The following APOOL variants were observed in gnomAD, a reference collection of about 807,000 sequenced individuals.
APOOL encodes MICOS complex subunit MIC27.
A neutral mutation model predicts 23.1 loss-of-function variants in APOOL; 12 were observed. That is an observed-to-expected ratio of 0.52 (90% CI 0.33 to 0.84). APOOL has a LOEUF of 0.84. Among genes scored for constraint, APOOL ranks in the 40% least tolerant of loss-of-function variants. The probability of loss-of-function intolerance (pLI) is 0.02; values close to 1 mark genes in which losing one functional copy is unlikely to be tolerated. For missense variants in APOOL, 212 were observed against 199.6 expected (o/e 1.06, Z -0.37); for synonymous variants, 77 against 69.9 (o/e 1.10, Z -0.51).
intron 2 of APOOL, among the ~76,000 whole-genome samples, chrX:85,049,969 C>G (rs1253932063): frequency 2.7e-5 from 3 of 111,441 alleles, no homozygotes; most frequent in Non-Finnish European, 3.8e-5. Context: ...CCAGTACATC[C>G]ACATATACCT....
chrX:85,068,757 T>G (rs1923561991), intron 6 of APOOL, among the ~76,000 whole-genome samples: 1 of 111,492 alleles, frequency 9.0e-6, no homozygotes, highest in Admixed American at 9.6e-5. Flanking sequence ...TTTTAAAAAT[T>G]ATACCTGCTT....
chrX:85,068,412 CT>C (rs1209497843), intron 6 of APOOL, among the ~76,000 whole-genome samples: 14 of 66,396 alleles, frequency 2.1e-4, no homozygotes, highest in Admixed American at 3.4e-4. Flanking sequence ...TTTTTTTTTT[CT>C]TTTTTTTTTT....
intron 6 of APOOL, among the ~76,000 whole-genome samples, chrX:85,073,148 A>C (rs1923727520): frequency 9.0e-6 from 1 of 111,509 alleles, no homozygotes; most frequent in African/African-American, 3.2e-5. Flanking sequence ...TTTCAACTGT[A>C]GGTATATACT....
Position 85,074,368 on chromosome X carries a change from A to G in APOOL, c.695A>G (p.Lys232Arg). ...CCAACAGAACTCAGCTCTGAAGCAAAGACCAAATCAGAATCCACTTCAGGT... is the reference window on the plus strand; with the variant it reads ...CCAACAGAACTCAGCTCTGAAGCAAGGACCAAATCAGAATCCACTTCAGGT... The part of the protein sequence containing the change: ...PLPTELSSEA[K>R]TKSESTSGAT... The change falls in exon 8 of 9, where the codon AAG (lysine) becomes AGG (arginine). Residue 232 changes from lysine (K) to arginine (R), a missense_variant. Physicochemically the swap from Lys to Arg is conservative, Grantham distance 26. Transcript: ENST00000373173. 3 of 1,211,064 alleles carry G rather than the reference A, an allele frequency of 2.5e-6. No individual in the cohort carries two copies. Among genetic ancestry groups the G allele is most frequent in the Non-Finnish European group, 3.4e-6 (3 of 894,985 alleles).
Position 85,092,892 on chromosome X carries a change from CTG to C in APOOL, c.*5218_*5219del, listed in dbSNP as rs773456474. 1.1e-3 allele frequency: 362 copies of C among 321,873 alleles called. 1 individual carries two copies. The highest frequency in any genetic ancestry group is 8.5e-3 in the African/African-American group (323 of 37,908). The allele number at this position is 321,873 out of a possible 1,213,427, so 26.5% of individuals were successfully genotyped here. ...GTCTTGTAATATTCATACTGTGAGC[CTG>C]TGTTTTTGAATAAAAATGCTTTCTA... On this transcript the variant is annotated 3_prime_UTR_variant, in exon 9 of 9. Transcript: ENST00000373173.
chrX:85,048,131 A>G (rs756635691), intron 2 of APOOL, among the ~76,000 whole-genome samples: 1 of 111,299 alleles, frequency 9.0e-6, no homozygotes, highest in South Asian at 3.8e-4. Flanking sequence ...CCAAACTAAC[A>G]TGCATAAAGG....
intron 1 of APOOL, among the ~76,000 whole-genome samples, chrX:85,009,872 T>C (rs765161679): frequency 9.0e-6 from 1 of 111,682 alleles, no homozygotes; most frequent in South Asian, 3.8e-4. Context: ...ATCATTTAGC[T>C]CCCACTTATA....
intron 1 of APOOL, among the ~76,000 whole-genome samples, chrX:85,017,156 C>T (rs941486279): frequency 1.1e-4 from 12 of 111,877 alleles, no homozygotes; most frequent in African/African-American, 3.9e-4. Context: ...TGAGCTTAGA[C>T]TCTTCTTGCA....
At chrX:85,045,587 CAG>C (rs1922548744) in intron 1 of APOOL, among the ~76,000 whole-genome samples, 1 of 111,873 alleles carries the variant, frequency 8.9e-6, no homozygotes, top group African/African-American at 3.2e-5. Flanking sequence ...TCTAAAGAAT[CAG>C]AGTGTTAAAA....
chrX:85,026,511 T>A (rs60783360), intron 1 of APOOL, among the ~76,000 whole-genome samples: 1 of 113,037 alleles, frequency 8.8e-6, no homozygotes, highest in East Asian at 2.8e-4. Context: ...ATGGCCAGGC[T>A]GCAAATATTT....
intron 1 of APOOL, among the ~76,000 whole-genome samples, chrX:85,035,377 G>T (rs768043738): frequency 2.3e-4 from 25 of 110,912 alleles, no homozygotes; most frequent in African/African-American, 7.9e-4. Flanking sequence ...TAGATGCATA[G>T]TTTGTGAATA....
chrX:85,006,557 T>TAA (rs765052491), intron 1 of APOOL, among the ~76,000 whole-genome samples: 8 of 96,212 alleles, frequency 8.3e-5, no homozygotes, highest in Admixed American at 3.4e-4. Flanking sequence ...GTCTTTTAAT[T>TAA]AAAAAAAAAA....
At chrX:85,029,733 G>A (rs1040628993) in intron 1 of APOOL, among the ~76,000 whole-genome samples, 4 of 111,477 alleles carry the variant, frequency 3.6e-5, no homozygotes, top group Non-Finnish European at 1.9e-5. Context: ...TTTCTCAAAA[G>A]ATGTACAGTC....
chrX:85,042,408 A>C (rs1922429888), intron 1 of APOOL, among the ~76,000 whole-genome samples: 1 of 111,938 alleles, frequency 8.9e-6, no homozygotes, highest in African/African-American at 3.2e-5. Flanking sequence ...AACCATGAAG[A>C]AATCCAAAAT....
intron 1 of APOOL, among the ~76,000 whole-genome samples, chrX:85,044,757 A>G (rs781231126): frequency 8.9e-6 from 1 of 111,895 alleles, no homozygotes; most frequent in African/African-American, 3.2e-5. Context: ...GAGCTCAATT[A>G]GTAAATCCAT....
intron 5 of APOOL, among the ~76,000 whole-genome samples, chrX:85,064,420 AGGTCTGC>A (rs1319985327): frequency 1.1e-4 from 11 of 99,349 alleles, no homozygotes; most frequent in Non-Finnish European, 2.0e-4. Context: ...GTCTTCTGCT[AGGTCTGC>A]GGTTTGTTGG....
intron 1 of APOOL, among the ~76,000 whole-genome samples, chrX:85,008,073 G>A (rs1163187133): frequency 1.8e-5 from 2 of 111,485 alleles, no homozygotes; most frequent in Non-Finnish European, 3.8e-5. Flanking sequence ...CCAGGGAATA[G>A]GTAGCTATAA....
At chrX:85,045,313 C>A (rs1001308337) in intron 1 of APOOL, among the ~76,000 whole-genome samples, 4 of 111,682 alleles carry the variant, frequency 3.6e-5, no homozygotes, top group Non-Finnish European at 7.5e-5. Flanking sequence ...ATTTTTACAG[C>A]CCCAATCTAA....
chrX:85,032,780 C>T, intron 1 of APOOL, among the ~76,000 whole-genome samples: 1 of 111,589 alleles, frequency 9.0e-6, no homozygotes, highest in Middle Eastern at 4.6e-3. Context: ...TTTCATAATA[C>T]AACCACACTG....
Sources: gnomAD v4.1 joint callset for allele counts (sites outside exome capture counted in the v4.1 genomes callset) on GRCh38, gnomAD v4.1.1 for gene constraint, MANE v1.5 for transcripts, NCBI Gene and HGNC (gene_info 2026-07-23, HGNC 2026-07-21) for gene names.